Variants in ST7L observed in about 807,000 individuals in gnomAD.
ST7L encodes suppression of tumorigenicity 7 like.
ST7L carries 57 observed loss-of-function variants against 72.5 expected under a neutral mutation model. The observed-to-expected ratio is 0.79, with a 90% CI of 0.64 to 0.98. The LOEUF (loss-of-function observed/expected upper bound fraction) is 0.98. Ranked by LOEUF, ST7L falls within the 50% of genes least tolerant of loss-of-function variation. The probability of loss-of-function intolerance (pLI) is 0.00; values close to 1 mark genes in which losing one functional copy is unlikely to be tolerated. For missense variants in ST7L, 576 were observed against 672.2 expected (o/e 0.86, Z 1.58); for synonymous variants, 221 against 240.9 (o/e 0.92, Z 0.77).
At chr1:112,520,509 AAC>A (rs1652815848), downstream of ST7L, 3 of 1,613,644 alleles carry the variant, frequency 1.9e-6, no homozygotes, top group African/African-American at 1.3e-5. Context: ...ACCAAACCTG[AAC>A]ACACAGATAC....
intron 9 of ST7L, among the ~76,000 whole-genome samples, chr1:112,581,678 G>T (rs138261638): frequency 2.3e-3 from 351 of 152,182 alleles, no homozygotes; most frequent in African/African-American, 7.8e-3. Context: ...CAAAATGCTG[G>T]GATTACAGGT....
intron 2 of ST7L, among the ~76,000 whole-genome samples, chr1:112,612,394 G>A (rs1056511760): frequency 6.6e-6 from 1 of 152,060 alleles, no homozygotes; most frequent in Non-Finnish European, 1.5e-5. Context: ...TACCATGACC[G>A]GCCAGATTAT....
At chr1:112,531,100 A>T (rs981135476) in intron 14 of ST7L, among the ~76,000 whole-genome samples, 1 of 152,190 alleles carries the variant, frequency 6.6e-6, no homozygotes, top group Non-Finnish European at 1.5e-5. Flanking sequence ...CAAAGAACTA[A>T]GTAATTTTGG....
intron 11 of ST7L, among the ~76,000 whole-genome samples, chr1:112,569,063 CAGAT>C (rs915701929): frequency 6.0e-4 from 91 of 151,742 alleles, no homozygotes; most frequent in African/African-American, 2.1e-3. Context: ...ATAAAAAAGA[CAGAT>C]AATAATAAGT....
rs60106072 is a variant in ST7L, at chr1:112,556,966, C to CAAAAAAAA, written c.1246-956_1246-949dup. ...CTGGCGACAGAGCGAGACTCTGTCT[C>CAAAAAAAA]AAAAAAAAAAAAAAAAAACAAAAAA... On this transcript the variant is annotated intron_variant, in intron 11 of 14. Coordinates refer to ENST00000358039, the MANE Select transcript of ST7L (RefSeq NM_017744.5). 1.3e-3 allele frequency among the ~76,000 whole-genome samples: 65 copies of CAAAAAAAA among 49,518 alleles called. 2 individuals are homozygous for CAAAAAAAA. The highest frequency in any genetic ancestry group is 2.4e-3 in the African/African-American group (35 of 14,672). The allele number at this position is 49,518 out of a possible 152,430, so 32.5% of individuals were successfully genotyped here.
chr1:112,617,749 ACACACACG>A (rs1670130940), intron 1 of ST7L, among the ~76,000 whole-genome samples: 2 of 151,178 alleles, frequency 1.3e-5, no homozygotes, highest in African/African-American at 4.9e-5. Flanking sequence ...ACACACACAC[ACACACACG>A]AAACGTAAAA....
At chr1:112,526,249 T>C in intron 14 of ST7L, 138 bp from the exon 15 acceptor site, 1 of 1,130,298 alleles carries the variant, frequency 8.8e-7, no homozygotes. Flanking sequence ...TCTTTTGCCA[T>C]TTCTGCCACT....
At chr1:112,600,708 C>T (rs752487522) in intron 4 of ST7L, 86 bp downstream of exon 4, 687 of 1,151,930 alleles carry the variant, frequency 6.0e-4, no homozygotes, top group Non-Finnish European at 7.4e-4. Context: ...AGAAGAGCTG[C>T]GATATATTTA....
intron 2 of ST7L, among the ~76,000 whole-genome samples, chr1:112,613,900 T>C (rs1303405635): frequency 6.6e-6 from 1 of 152,114 alleles, no homozygotes; most frequent in East Asian, 1.9e-4. Context: ...GCTAAATTTT[T>C]AAAATTTTAT....
chr1:112,560,707 A>G (rs1482121331), intron 11 of ST7L, among the ~76,000 whole-genome samples: 1 of 152,114 alleles, frequency 6.6e-6, no homozygotes, highest in African/African-American at 2.4e-5. Flanking sequence ...CACACCTGTA[A>G]TCCCAGCACT....
intron 6 of ST7L, among the ~76,000 whole-genome samples, chr1:112,584,660 G>A (rs557632594): frequency 1.3e-5 from 2 of 151,974 alleles, no homozygotes; most frequent in Non-Finnish European, 2.9e-5. Context: ...GCTAATTTTT[G>A]TATTTTTAGT....
At chr1:112,526,369 C>T in intron 14 of ST7L, 1 of 384,582 alleles carries the variant, frequency 2.6e-6, no homozygotes, top group Admixed American at 3.8e-5. Flanking sequence ...AAAATTTTAT[C>T]TAGTCCTTTT....
At chr1:112,601,826 C>G (rs1667436012) in intron 3 of ST7L, among the ~76,000 whole-genome samples, 1 of 151,920 alleles carries the variant, frequency 6.6e-6, no homozygotes, top group South Asian at 2.1e-4. Flanking sequence ...CGTCTGTAAT[C>G]CCAGCACTTT....
chr1:112,588,702 T>G (rs1275259009), intron 6 of ST7L, among the ~76,000 whole-genome samples: 1 of 152,204 alleles, frequency 6.6e-6, no homozygotes, highest in Non-Finnish European at 1.5e-5. Context: ...TTGACTGATT[T>G]TCGTATGTTG....
intron 12 of ST7L, among the ~76,000 whole-genome samples, chr1:112,551,539 C>A (rs761806966): frequency 2.0e-5 from 3 of 152,158 alleles, no homozygotes; most frequent in Non-Finnish European, 2.9e-5. Flanking sequence ...AAAACTTTAT[C>A]GGAACATAGT....
intron 12 of ST7L, among the ~76,000 whole-genome samples, chr1:112,552,085 C>T (rs1330060449): frequency 6.6e-6 from 1 of 152,124 alleles, no homozygotes; most frequent in African/African-American, 2.4e-5. Flanking sequence ...GGACAGGACA[C>T]CATTCCAGTA....
At position 112,609,852 on chromosome 1, in the gene ST7L, C is replaced by T. The variant is rs116394367; in HGVS notation, c.451+989G>A. On this transcript the variant is annotated intron_variant, in intron 3 of 14. Coordinates refer to ENST00000358039, the MANE Select transcript of ST7L (RefSeq NM_017744.5). The stretch of plus-strand genomic sequence containing the variant: ...ATAAATAAATAAATTTGCGATTACT[C>T]GACACAAATAGAGGAACAGTCTACA... Among the ~76,000 whole-genome samples the T allele has an allele frequency of 4.6e-3, 703 of 152,016 alleles. 5 individuals are homozygous for T. The highest frequency in any genetic ancestry group is 0.015 in the African/African-American group (630 of 41,448).
chr1:112,596,574 G>A (rs6701351), intron 5 of ST7L, among the ~76,000 whole-genome samples: 45,539 of 152,018 alleles, frequency 0.3, 7,563 homozygotes, highest in African/African-American at 0.44. Flanking sequence ...GTAAGCCTAG[G>A]CAAGTATTAG....
intron 2 of ST7L, among the ~76,000 whole-genome samples, chr1:112,614,025 T>C (rs1669479303): frequency 6.6e-6 from 1 of 152,154 alleles, no homozygotes; most frequent in South Asian, 2.1e-4. Flanking sequence ...ACACCACACC[T>C]GGCCACAAAA....
Sources: allele counts gnomAD v4.1 joint callset (sites outside exome capture counted in the v4.1 genomes callset), GRCh38; gene constraint gnomAD v4.1.1; transcripts MANE v1.5; gene names NCBI Gene and HGNC (gene_info 2026-07-23, HGNC 2026-07-21).